Variants in TECR observed in about 807,000 individuals in gnomAD.
TECR encodes trans-2,3-enoyl-CoA reductase.
TECR carries 19 observed loss-of-function variants against 50.6 expected under a neutral mutation model. That is an observed-to-expected ratio of 0.38 (90% CI 0.26 to 0.55). The LOEUF (loss-of-function observed/expected upper bound fraction) is 0.55, where lower values mean the gene tolerates loss of function less well. Among genes scored for constraint, TECR ranks in the 20% least tolerant of loss-of-function variants. The pLI, the probability that TECR is intolerant of heterozygous loss-of-function variation, is 0.79. For missense variants in TECR, 313 were observed against 408.3 expected, an observed-to-expected ratio of 0.77 and a Z score of 2.01; for synonymous variants, 168 against 163.5, an observed-to-expected ratio of 1.03 and a Z score of -0.21.
chr19:14,562,803 CG>C (rs1446275624), intron 2 of TECR, among the ~76,000 whole-genome samples: 2 of 151,962 alleles, frequency 1.3e-5, no homozygotes, highest in African/African-American at 2.4e-5. Context: ...CCTGGGAGGG[CG>C]GTGGAGGAGT....
chr19:14,564,310 C>T (rs1256957595), intron 7 of TECR, 23 bp downstream of exon 7: 2 of 1,576,286 alleles, frequency 1.3e-6, no homozygotes, highest in Admixed American at 1.7e-5. Flanking sequence ...CCCCGCCTCA[C>T]CCCTAAGCCC....
chr19:14,552,937 G>A (rs1350997749), intron 1 of TECR, among the ~76,000 whole-genome samples: 1 of 151,980 alleles, frequency 6.6e-6, no homozygotes, highest in Non-Finnish European at 1.5e-5. Context: ...TGAATGAAAC[G>A]GGCGAGATCA....
intron 1 of TECR, among the ~76,000 whole-genome samples, chr19:14,553,656 G>A (rs192914183): frequency 1.3e-5 from 2 of 152,270 alleles, no homozygotes; most frequent in South Asian, 2.1e-4. Context: ...GGGCTGAGCC[G>A]CTGAGCCGGA....
intron 1 of TECR, among the ~76,000 whole-genome samples, chr19:14,560,233 C>T (rs1978625): frequency 2.7e-4 from 41 of 151,614 alleles, no homozygotes; most frequent in Admixed American, 2.0e-4. Context: ...GAGCAGGGTA[C>T]GATTTCACCC....
chr19:14,564,390 G>A (rs1373051339), intron 7 of TECR, 103 bp downstream of exon 7: 8 of 908,392 alleles, frequency 8.8e-6, no homozygotes, highest in South Asian at 1.4e-5. Context: ...CTGCCACTAC[G>A]CCCCAGCAGA....
intron 1 of TECR, among the ~76,000 whole-genome samples, chr19:14,534,539 G>A (rs1568395260): frequency 2.4e-5 from 3 of 127,338 alleles, no homozygotes; most frequent in East Asian, 2.5e-4. Context: ...CGGTTCAAGC[G>A]ATTTTCCTGC....
At chr19:14,559,083 G>A (rs1258861554) in intron 1 of TECR, among the ~76,000 whole-genome samples, 1 of 152,162 alleles carries the variant, frequency 6.6e-6, no homozygotes, top group African/African-American at 2.4e-5. Flanking sequence ...CCCTCTGAGG[G>A]GTGGGGAACC....
chr19:14,544,697 G>A (rs867162054), intron 1 of TECR, among the ~76,000 whole-genome samples: 1 of 149,414 alleles, frequency 6.7e-6, no homozygotes, highest in Non-Finnish European at 1.5e-5. Flanking sequence ...GCAGTGGCAC[G>A]ATCACGGCTC....
chr19:14,529,418 A>G (rs1340437237), upstream of TECR: 1 of 601,292 alleles, frequency 1.7e-6, no homozygotes, highest in Non-Finnish European at 3.0e-6. Flanking sequence ...AGCCCCTCCT[A>G]CAGGCGTTCC....
At chr19:14,537,482 G>A (rs1238356011) in intron 1 of TECR, among the ~76,000 whole-genome samples, 1 of 152,046 alleles carries the variant, frequency 6.6e-6, no homozygotes, top group Non-Finnish European at 1.5e-5. Flanking sequence ...GAGTGAGGGC[G>A]GTGCTTGGAA....
In TECR at chr19:14,563,674, C is replaced by T. The variant is rs781227274; in HGVS notation, c.135C>T (p.Pro45=). The T allele has an allele frequency of 2.7e-5, 43 of 1,612,070 alleles. No individual in the cohort carries two copies. Among genetic ancestry groups the T allele is most frequent in the African/African-American group, 1.1e-4 (8 of 74,862 alleles). ...TCCCCGCAGATCCGCAGTGGTACCC[C>T]GCCCGCCAGTCCCTCCGCCTGGACC... ...LFTKTHPQWY[P]ARQSLRLDPK... The change falls in exon 4 of 13, where the codon CCC becomes CCT. Residue 45 remains proline, a synonymous_variant. Coordinates refer to ENST00000215567, the MANE Select transcript of TECR (RefSeq NM_138501.6). The surrounding 1 kb of genome is among the most constrained non-coding windows in gnomAD (Gnocchi z 5.3).
intron 1 of TECR, among the ~76,000 whole-genome samples, chr19:14,550,727 C>T (rs1349138006): frequency 1.3e-5 from 2 of 152,112 alleles, no homozygotes; most frequent in East Asian, 1.9e-4. Context: ...GTTGCACATG[C>T]AGCAGTATAG....
intron 1 of TECR, among the ~76,000 whole-genome samples, chr19:14,537,993 A>T (rs1389032910): frequency 6.6e-6 from 1 of 152,078 alleles, no homozygotes; most frequent in Non-Finnish European, 1.5e-5. Context: ...TGATCCGCCC[A>T]ACTTGGCCTC....
At chr19:14,555,852 C>T (rs576342749) in intron 1 of TECR, among the ~76,000 whole-genome samples, 1 of 152,322 alleles carries the variant, frequency 6.6e-6, no homozygotes, top group African/African-American at 2.4e-5. Flanking sequence ...TCCTAAAGTG[C>T]TGGGATTCCA....
Position 14,565,641 on chromosome 19 carries a change from C to T in TECR, c.777C>T (p.Ala259=). ...TYEVGSWIGF[A]IMTQCLPVAL... Reference sequence around the variant, plus strand: ...AGGTGGGGTCCTGGATCGGTTTCGCCATCATGACGCAGTGTCTCCCAGGTG... The same window carrying T: ...AGGTGGGGTCCTGGATCGGTTTCGCTATCATGACGCAGTGTCTCCCAGGTG... Residue 259 remains alanine, a synonymous_variant, in exon 12 of 13, where the codon GCC becomes GCT. Transcript: ENST00000215567. 1.9e-6 allele frequency: 3 copies of T among 1,612,496 alleles called. No homozygotes were observed. In the African/African-American group the frequency reaches 4.0e-5, roughly 21 times the overall value.
At chr19:14,565,564 C>G in intron 11 of TECR, 54 bp from the exon 12 acceptor site, 1 of 1,580,224 alleles carries the variant, frequency 6.3e-7, no homozygotes, top group South Asian at 1.1e-5. Context: ...TCCAGGACAG[C>G]CACATACACG....
chr19:14,551,527 C>T (rs2073503959), intron 1 of TECR, among the ~76,000 whole-genome samples: 1 of 152,156 alleles, frequency 6.6e-6, no homozygotes, highest in Admixed American at 6.5e-5. Context: ...TCTGACACCG[C>T]CCCCTGTGGC....
intron 1 of TECR, among the ~76,000 whole-genome samples, chr19:14,560,141 G>A (rs35394596): frequency 0.083 from 12,646 of 152,236 alleles, 600 homozygotes; most frequent in African/African-American, 0.1. Flanking sequence ...GCCGCAGCCC[G>A]GCGTCCTCTC....
intron 1 of TECR, among the ~76,000 whole-genome samples, chr19:14,547,879 C>G (rs754974912): frequency 1.3e-4 from 19 of 148,360 alleles, no homozygotes; most frequent in Middle Eastern, 7.5e-3. Flanking sequence ...CCAGGTTGGT[C>G]TTGGGTCTTG....
Sources: allele counts gnomAD v4.1 joint callset (sites outside exome capture counted in the v4.1 genomes callset), GRCh38; gene constraint gnomAD v4.1.1; non-coding constraint Gnocchi (gnomAD v3.1); transcripts MANE v1.5; gene names NCBI Gene and HGNC (gene_info 2026-07-23, HGNC 2026-07-21).